Variants in CDH18 observed in about 807,000 individuals in gnomAD.
CDH18 encodes the protein cadherin-18.
A neutral mutation model predicts 67.9 loss-of-function variants in CDH18; 31 were observed. The ratio of observed to expected loss-of-function variants is 0.46; its 90% CI spans 0.34 to 0.62. The LOEUF (loss-of-function observed/expected upper bound fraction) is 0.62, where lower values mean the gene tolerates loss of function less well. Ranked by LOEUF, CDH18 falls within the 20% of genes least tolerant of loss-of-function variation. The pLI, the probability that CDH18 is intolerant of heterozygous loss-of-function variation, is 0.01. For synonymous variants in CDH18, 362 were observed against 347.2 expected (o/e 1.04, Z -0.48); for missense variants, 890 against 975.5 (o/e 0.91, Z 1.17).
At chr5:20,317,779 G>T (rs1459822600) in intron 1 of CDH18, among the ~76,000 whole-genome samples, 2 of 152,118 alleles carry the variant, frequency 1.3e-5, no homozygotes, top group African/African-American at 4.8e-5. Flanking sequence ...TTTTGCAGTT[G>T]ATAAGCGTTA....
At chr5:19,755,282 T>C (rs1771386854) in intron 3 of CDH18, among the ~76,000 whole-genome samples, 2 of 149,564 alleles carry the variant, frequency 1.3e-5, no homozygotes, top group African/African-American at 4.9e-5. Flanking sequence ...ATTAGCAAGA[T>C]TAACCAAGAA....
At chr5:19,751,117 C>T (rs969614618) in intron 3 of CDH18, among the ~76,000 whole-genome samples, 2 of 152,092 alleles carry the variant, frequency 1.3e-5, no homozygotes, top group African/African-American at 4.8e-5. Flanking sequence ...ACCTATGGCA[C>T]TTAGAAAGCC....
In CDH18 at chr5:19,721,472, C is replaced by A; in HGVS notation, c.524-6G>T. Reference sequence around the variant, plus strand: ...CACCTGTAGAACAGAGGTACCTGTGCATTCAGGAAAACAAATTTTAGTGTG... The same window carrying A: ...CACCTGTAGAACAGAGGTACCTGTGAATTCAGGAAAACAAATTTTAGTGTG... On this transcript the variant is annotated splice_region_variant and splice_polypyrimidine_tract_variant and intron_variant, in intron 4 of 12. Transcript: ENST00000382275. 1 of 1,602,750 alleles carries A rather than the reference C, an allele frequency of 6.2e-7. No homozygotes were observed. The highest frequency in any genetic ancestry group is 8.5e-7 in the Non-Finnish European group (1 of 1,173,856).
intron 3 of CDH18, among the ~76,000 whole-genome samples, chr5:19,816,506 A>C (rs79944844): frequency 4.0e-5 from 6 of 151,882 alleles, no homozygotes; most frequent in Non-Finnish European, 5.9e-5. Context: ...AATTATATCA[A>C]TTGCAGATGT....
At chr5:19,791,356 AACACAC>A (rs58429751) in intron 3 of CDH18, among the ~76,000 whole-genome samples, 40 of 141,640 alleles carry the variant, frequency 2.8e-4, no homozygotes, top group East Asian at 6.3e-4. Flanking sequence ...TCGACTTTTA[AACACAC>A]ACACACACAC....
At chr5:20,230,380 A>G (rs1741972315) in intron 2 of CDH18, among the ~76,000 whole-genome samples, 1 of 152,050 alleles carries the variant, frequency 6.6e-6, no homozygotes, top group Admixed American at 6.6e-5. Flanking sequence ...TCAAAATCAA[A>G]TTTCCCCTAT....
At chr5:19,967,738 T>C (rs1026707352) in intron 2 of CDH18, among the ~76,000 whole-genome samples, 1 of 152,120 alleles carries the variant, frequency 6.6e-6, no homozygotes, top group Non-Finnish European at 1.5e-5. Flanking sequence ...AATATCATAC[T>C]GAATGGGCAA....
At chr5:19,741,591 T>C (rs1316441752) in intron 4 of CDH18, among the ~76,000 whole-genome samples, 2 of 152,184 alleles carry the variant, frequency 1.3e-5, no homozygotes, top group African/African-American at 2.4e-5. Context: ...ATTTAAACAC[T>C]GCAATTTCTT....
chr5:20,457,077 T>C (rs1232052789), intron 1 of CDH18, among the ~76,000 whole-genome samples: 2 of 152,190 alleles, frequency 1.3e-5, no homozygotes, highest in Non-Finnish European at 2.9e-5. Context: ...AGACTACTTT[T>C]ACGTGCAAGC....
chr5:20,315,676 A>G (rs1404341314), intron 1 of CDH18, among the ~76,000 whole-genome samples: 2 of 152,106 alleles, frequency 1.3e-5, no homozygotes, highest in African/African-American at 2.4e-5. Flanking sequence ...TGCACTTGCA[A>G]TTAGTTCACT....
intron 2 of CDH18, among the ~76,000 whole-genome samples, chr5:20,219,674 A>T (rs922035136): frequency 4.1e-4 from 63 of 152,112 alleles, no homozygotes; most frequent in African/African-American, 1.4e-3. Flanking sequence ...AAAATACTTC[A>T]ATATATGCAA....
chr5:20,320,405 T>A (rs1034905591), intron 1 of CDH18, among the ~76,000 whole-genome samples: 1 of 152,150 alleles, frequency 6.6e-6, no homozygotes, highest in Non-Finnish European at 1.5e-5. Context: ...CCTGAGGAAC[T>A]ATGACAGGGA....
intron 1 of CDH18, among the ~76,000 whole-genome samples, chr5:20,409,237 C>G (rs898548886): frequency 2.0e-5 from 3 of 151,730 alleles, no homozygotes; most frequent in Non-Finnish European, 4.4e-5. Flanking sequence ...CTGAAGTGTA[C>G]ACGAAACATT....
chr5:20,129,254 C>T (rs1749071394), intron 2 of CDH18, among the ~76,000 whole-genome samples: 1 of 151,830 alleles, frequency 6.6e-6, no homozygotes, highest in Non-Finnish European at 1.5e-5. Flanking sequence ...AAAATATCCC[C>T]CAAAATATAT....
Position 19,503,007 on chromosome 5 carries a change from G to A in CDH18, c.1615C>T (p.Leu539=). 1 of 1,596,164 alleles carries A rather than the reference G, an allele frequency of 6.3e-7. No homozygotes were observed. Among genetic ancestry groups the A allele is most frequent in the Non-Finnish European group, 8.6e-7 (1 of 1,163,926 alleles). ...ERLPVNPNFT[L]KDNEDNTASI... is the part of the protein sequence containing the mutation. ...ATATGTTCACCTTCATTGTCCTTCA[G>A]AGTGAAGTTTGGATTTACAGGCAGG... Residue 539 remains leucine (L), a synonymous_variant, in exon 11 of 13, where the codon CTG becomes TTG. Coordinates refer to ENST00000382275, the MANE Select transcript of CDH18 (RefSeq NM_004934.5).
chr5:20,483,342 T>C (rs1324792765), intron 1 of CDH18, among the ~76,000 whole-genome samples: 1 of 151,964 alleles, frequency 6.6e-6, no homozygotes, highest in Non-Finnish European at 1.5e-5. Flanking sequence ...TTCCATGCTA[T>C]GCAAAGCAAT....
At chr5:19,533,737 C>T (rs1248651207) in intron 9 of CDH18, among the ~76,000 whole-genome samples, 1 of 151,816 alleles carries the variant, frequency 6.6e-6, no homozygotes, top group Non-Finnish European at 1.5e-5. Flanking sequence ...ATTTCAGGAA[C>T]CTGAAAAAAG....
chr5:19,885,642 C>CCTAG (rs2150068681), intron 2 of CDH18, among the ~76,000 whole-genome samples: 1 of 152,202 alleles, frequency 6.6e-6, no homozygotes, highest in South Asian at 2.1e-4. Flanking sequence ...CTCACTGCAG[C>CCTAG]CTAGAGCTTC....
At chr5:19,754,371 C>G (rs531944242) in intron 3 of CDH18, among the ~76,000 whole-genome samples, 2 of 152,156 alleles carry the variant, frequency 1.3e-5, no homozygotes, top group East Asian at 3.9e-4. Context: ...ATTCTTATAT[C>G]AGAAAAAGAC....
Sources: allele counts gnomAD v4.1 joint callset (sites outside exome capture counted in the v4.1 genomes callset), GRCh38; gene constraint gnomAD v4.1.1; transcripts MANE v1.5; gene names NCBI Gene and HGNC (gene_info 2026-07-23, HGNC 2026-07-21).